The following LRRTM4 variants were observed in gnomAD, a reference collection of about 807,000 sequenced individuals.
The protein encoded by LRRTM4 is leucine rich repeat transmembrane neuronal 4.
LRRTM4 carries 25 observed loss-of-function variants against 47.6 expected under a neutral mutation model. The observed-to-expected ratio is 0.53, with a 90% CI of 0.38 to 0.73. The LOEUF is 0.73. LRRTM4 is among the 30% of genes least tolerant of loss of function. The pLI is 0.00. For missense variants in LRRTM4, 638 were observed against 713.4 expected (o/e 0.89, Z 1.20); for synonymous variants, 311 against 269.5 (o/e 1.15, Z -1.51).
intron 3 of LRRTM4, among the ~76,000 whole-genome samples, chr2:76,804,739 A>T (rs1183805037): frequency 7.0e-6 from 1 of 143,678 alleles, no homozygotes; most frequent in East Asian, 2.1e-4. Flanking sequence ...ATCATGTTTT[A>T]TATATATATC....
At chr2:77,327,352 A>C (rs1670815437) in intron 3 of LRRTM4, among the ~76,000 whole-genome samples, 1 of 152,236 alleles carries the variant, frequency 6.6e-6, no homozygotes. Flanking sequence ...CAGCTCCTAC[A>C]GCTTTCCAAT....
At chr2:76,930,327 C>T (rs555851194) in intron 3 of LRRTM4, among the ~76,000 whole-genome samples, 203 of 152,246 alleles carry the variant, frequency 1.3e-3, no homozygotes, top group Non-Finnish European at 2.5e-3. Context: ...GGTGCGTGTG[C>T]ACGCATGCGT....
At chr2:77,040,871 T>C (rs949011187) in intron 3 of LRRTM4, among the ~76,000 whole-genome samples, 2 of 151,564 alleles carry the variant, frequency 1.3e-5, no homozygotes, top group African/African-American at 4.8e-5. Flanking sequence ...ATACATTGTG[T>C]AATTATCAAA....
At chr2:77,135,699 A>C (rs1426365398) in intron 3 of LRRTM4, among the ~76,000 whole-genome samples, 1 of 152,170 alleles carries the variant, frequency 6.6e-6, no homozygotes, top group East Asian at 1.9e-4. Flanking sequence ...GAGTATAAGG[A>C]AGTCTACTGT....
intron 3 of LRRTM4, among the ~76,000 whole-genome samples, chr2:77,398,248 A>G (rs1673780905): frequency 6.6e-6 from 1 of 151,914 alleles, no homozygotes; most frequent in Admixed American, 6.6e-5. Flanking sequence ...AATTTACAAT[A>G]CGTCTTCATA....
At chr2:77,139,825 C>A (rs1041631613) in intron 3 of LRRTM4, among the ~76,000 whole-genome samples, 1 of 152,012 alleles carries the variant, frequency 6.6e-6, no homozygotes, top group Admixed American at 6.6e-5. Flanking sequence ...TCATATACAC[C>A]AATAACAGAC....
chr2:76,795,652 T>C (rs1310753993), intron 3 of LRRTM4, among the ~76,000 whole-genome samples: 1 of 152,122 alleles, frequency 6.6e-6, no homozygotes, highest in Admixed American at 6.5e-5. Context: ...CTCCATCTCT[T>C]GGCTATTATG....
chr2:77,048,204 T>A (rs986864287), intron 3 of LRRTM4, among the ~76,000 whole-genome samples: 2 of 152,048 alleles, frequency 1.3e-5, no homozygotes, highest in African/African-American at 4.8e-5. Context: ...TATAATGATA[T>A]ATACGTATGT....
intron 3 of LRRTM4, among the ~76,000 whole-genome samples, chr2:77,334,779 C>T (rs1671101214): frequency 6.6e-6 from 1 of 152,170 alleles, no homozygotes; most frequent in Non-Finnish European, 1.5e-5. Flanking sequence ...TAGCATGGTA[C>T]TCGGAGATGA....
At chr2:77,435,674 C>T (rs983327422) in intron 3 of LRRTM4, among the ~76,000 whole-genome samples, 1 of 151,998 alleles carries the variant, frequency 6.6e-6, no homozygotes, top group Non-Finnish European at 1.5e-5. Context: ...ATAATACTTC[C>T]TAATCTGTTA....
intron 3 of LRRTM4, among the ~76,000 whole-genome samples, chr2:76,916,138 A>G (rs926002666): frequency 6.6e-6 from 1 of 152,146 alleles, no homozygotes; most frequent in Non-Finnish European, 1.5e-5. Context: ...TAAATTCCAG[A>G]GGAAAGAAAA....
At chr2:77,115,478 C>T (rs1671365111) in intron 3 of LRRTM4, among the ~76,000 whole-genome samples, 1 of 152,132 alleles carries the variant, frequency 6.6e-6, no homozygotes, top group Admixed American at 6.5e-5. Flanking sequence ...TAAAGACAGG[C>T]CTAAGAAATT....
intron 3 of LRRTM4, among the ~76,000 whole-genome samples, chr2:76,811,798 A>G (rs1670742154): frequency 6.6e-6 from 1 of 152,184 alleles, no homozygotes; most frequent in Admixed American, 6.5e-5. Flanking sequence ...AAGGCAGCCA[A>G]TTAGAATCCA....
intron 3 of LRRTM4, among the ~76,000 whole-genome samples, chr2:76,823,471 T>A (rs1307644170): frequency 6.6e-6 from 1 of 151,422 alleles, no homozygotes; most frequent in Non-Finnish European, 1.5e-5. Flanking sequence ...CAAGCAAAAT[T>A]ACATTTTTAT....
At chr2:77,318,228 G>A (rs537908851) in intron 3 of LRRTM4, among the ~76,000 whole-genome samples, 1 of 152,112 alleles carries the variant, frequency 6.6e-6, no homozygotes, top group South Asian at 2.1e-4. Context: ...GGATGGTCTT[G>A]ATCTCCTGAA....
intron 3 of LRRTM4, among the ~76,000 whole-genome samples, chr2:77,239,739 A>G (rs929013988): frequency 6.6e-6 from 1 of 151,884 alleles, no homozygotes; most frequent in African/African-American, 2.4e-5. Context: ...TGTTGCACCT[A>G]ATAGTAGTGC....
intron 3 of LRRTM4, among the ~76,000 whole-genome samples, chr2:77,335,496 C>T (rs969733084): frequency 1.1e-4 from 17 of 152,130 alleles, no homozygotes; most frequent in African/African-American, 3.6e-4. Flanking sequence ...TCTTTAAGTA[C>T]GTTCTCAAGT....
intron 3 of LRRTM4, among the ~76,000 whole-genome samples, chr2:77,125,307 T>A (rs1671625140): frequency 6.6e-6 from 1 of 152,180 alleles, no homozygotes; most frequent in Admixed American, 6.5e-5. Flanking sequence ...CTTTCTATAA[T>A]TGTATATGAC....
intron 3 of LRRTM4, among the ~76,000 whole-genome samples, chr2:77,306,091 G>A (rs1677264032): frequency 6.6e-6 from 1 of 152,016 alleles, no homozygotes; most frequent in South Asian, 2.1e-4. Flanking sequence ...TCCAATCCCA[G>A]ATGTTTGGGT....
Sources: gnomAD v4.1 joint callset for allele counts (sites outside exome capture counted in the v4.1 genomes callset) on GRCh38, gnomAD v4.1.1 for gene constraint, MANE v1.5 for transcripts, NCBI Gene and HGNC (gene_info 2026-07-23, HGNC 2026-07-21) for gene names.